PRKG1: variants seen among roughly 807,000 people sequenced by gnomAD.
PRKG1 encodes the protein cGMP-dependent protein kinase 1.
Under a neutral mutation model 88.1 loss-of-function variants are expected in PRKG1, and 35 were observed. The observed-to-expected ratio is 0.40, with a 90% CI of 0.30 to 0.53. PRKG1 has a LOEUF of 0.53. Ranked by LOEUF, PRKG1 falls within the 20% of genes least tolerant of loss-of-function variation. PRKG1 has a pLI of 0.59. For missense variants in PRKG1, 540 were observed against 839.8 expected (o/e 0.64, Z 4.41); for synonymous variants, 303 against 292.5 (o/e 1.04, Z -0.37).
At chr10:51,639,099 G>C (rs1275615078) in intron 3 of PRKG1, among the ~76,000 whole-genome samples, 1 of 151,814 alleles carries the variant, frequency 6.6e-6, no homozygotes, top group East Asian at 1.9e-4. Flanking sequence ...TCTTAGAATA[G>C]AAGAGGTGAG....
chr10:51,671,168 A>G (rs1233751359), intron 3 of PRKG1, among the ~76,000 whole-genome samples: 1 of 152,206 alleles, frequency 6.6e-6, no homozygotes, highest in Non-Finnish European at 1.5e-5. Context: ...CTTAAGTAAG[A>G]AAGTCAGGAA....
intron 3 of PRKG1, among the ~76,000 whole-genome samples, chr10:51,703,458 A>C (rs1231386284): frequency 6.6e-6 from 1 of 152,136 alleles, no homozygotes; most frequent in Non-Finnish European, 1.5e-5. Context: ...TTTTCTTTGG[A>C]TATAAACCTT....
intron 3 of PRKG1, among the ~76,000 whole-genome samples, chr10:51,605,501 C>T (rs552475939): frequency 6.6e-6 from 1 of 152,278 alleles, no homozygotes; most frequent in Admixed American, 6.5e-5. Context: ...GCTAAATTTA[C>T]AAGAGTATAT....
intron 2 of PRKG1, among the ~76,000 whole-genome samples, chr10:51,198,774 T>C (rs1301035317): frequency 6.6e-6 from 1 of 152,204 alleles, no homozygotes; most frequent in Non-Finnish European, 1.5e-5. Context: ...TAGTTAGACC[T>C]GAGTTTGTCA....
chr10:52,285,025 A>G (rs534985790), intron 14 of PRKG1, among the ~76,000 whole-genome samples: 6 of 152,002 alleles, frequency 3.9e-5, no homozygotes, highest in Non-Finnish European at 8.8e-5. Context: ...CTTCCCTCCA[A>G]CTTTCCCTGT....
intron 2 of PRKG1, among the ~76,000 whole-genome samples, chr10:51,334,727 G>A (rs1269607854): frequency 6.6e-6 from 1 of 152,098 alleles, no homozygotes; most frequent in East Asian, 1.9e-4. Flanking sequence ...GCAGAGAGAG[G>A]GTAAAGGAGG....
rs556222305 is a variant in PRKG1, at chr10:51,493,285, A to G, written c.592+25449A>G. On this transcript the variant is annotated intron_variant, in intron 3 of 17. Coordinates refer to ENST00000373980, the MANE Select transcript of PRKG1 (RefSeq NM_006258.4). ...ATGCAGAAAAATTTTACTTTGTCCA[A>G]CATGGATTTTGACCAATTTCCAAAT... Among the ~76,000 whole-genome samples the G allele has an allele frequency of 3.9e-5, 6 of 152,312 alleles. No homozygotes were observed. The South Asian group carries it at 1.2e-3, about 32-fold the overall frequency.
rs973617424 is a variant in PRKG1, at chr10:51,448,487, G to C, written c.479-19236G>C. On this transcript the variant is annotated intron_variant, in intron 2 of 17. Transcript: ENST00000373980. ...ATTACTTTCCCTTGAAATTCAAACA[G>C]GTTATTTCTGAGGATTGTGACTGCA... Among the ~76,000 whole-genome samples the C allele has an allele frequency of 4.6e-5, 7 of 151,958 alleles. 1 individual carries two copies. The highest frequency in any genetic ancestry group is 2.6e-4 in the Admixed American group (4 of 15,230).
At chr10:51,855,240 T>C (rs1937710) in intron 4 of PRKG1, among the ~76,000 whole-genome samples, 30,894 of 152,054 alleles carry the variant, frequency 0.2, 3,688 homozygotes, top group African/African-American at 0.33. Flanking sequence ...CAAGGCTTGA[T>C]TGAGTCATGA....
chr10:51,911,676 C>T (rs1159227638), intron 5 of PRKG1, among the ~76,000 whole-genome samples: 3 of 152,148 alleles, frequency 2.0e-5, no homozygotes, highest in African/African-American at 7.2e-5. Flanking sequence ...AAGTGTTTAA[C>T]TCAAGTTGAA....
intron 5 of PRKG1, among the ~76,000 whole-genome samples, chr10:51,938,318 G>T (rs1457222448): frequency 6.6e-6 from 1 of 151,998 alleles, no homozygotes; most frequent in Non-Finnish European, 1.5e-5. Flanking sequence ...TTTATCACAG[G>T]TAGGTTTGTA....
intron 5 of PRKG1, among the ~76,000 whole-genome samples, chr10:52,035,508 C>T (rs1845585065): frequency 6.6e-6 from 1 of 152,018 alleles, no homozygotes; most frequent in African/African-American, 2.4e-5. Context: ...GGTGGAACCG[C>T]CAACAATAAA....
chr10:51,468,267 T>G (rs2132815999), intron 3 of PRKG1, among the ~76,000 whole-genome samples: 1 of 151,994 alleles, frequency 6.6e-6, no homozygotes, highest in East Asian at 1.9e-4. Context: ...AGAAATGTCC[T>G]TCATCTCATT....
At chr10:51,285,803 T>G (rs1840424745) in intron 2 of PRKG1, among the ~76,000 whole-genome samples, 1 of 152,166 alleles carries the variant, frequency 6.6e-6, no homozygotes, top group South Asian at 2.1e-4. Context: ...TGAAGAGTTC[T>G]GAAGCCGTCC....
chr10:51,163,019 G>A (rs1045154831), intron 2 of PRKG1, among the ~76,000 whole-genome samples: 2 of 152,052 alleles, frequency 1.3e-5, no homozygotes, highest in Non-Finnish European at 2.9e-5. Flanking sequence ...AAGCAGACCT[G>A]CAAATGCTTT....
intron 9 of PRKG1, among the ~76,000 whole-genome samples, chr10:52,211,194 C>G (rs576220781): frequency 6.6e-6 from 1 of 152,194 alleles, no homozygotes; most frequent in South Asian, 2.1e-4. Flanking sequence ...ATACACGTAT[C>G]ATGTTCTGCT....
At chr10:51,764,479 C>T (rs568763710) in intron 3 of PRKG1, among the ~76,000 whole-genome samples, 43 of 152,212 alleles carry the variant, frequency 2.8e-4, no homozygotes, top group African/African-American at 9.1e-4. Context: ...CAATCTTGCT[C>T]TGTGAATGTT....
At chr10:51,050,018 A>G (rs1354652109) in intron 1 of PRKG1, among the ~76,000 whole-genome samples, 2 of 151,988 alleles carry the variant, frequency 1.3e-5, no homozygotes, top group Admixed American at 6.6e-5. Context: ...ATTCAGGTCA[A>G]TGGAAATTGT....
Position 51,142,701 on chromosome 10 carries a change from C to T in PRKG1, c.312-10463C>T, listed in dbSNP as rs185007658. ...CCTCTTTATACTTTTGTTTCCTTAC[C>T]TGTCAAATAAGGACAAATAAGGTTC... On this transcript the variant is annotated intron_variant, in intron 1 of 17. Coordinates refer to ENST00000373980, the MANE Select transcript of PRKG1 (RefSeq NM_006258.4). Among the ~76,000 whole-genome samples, 456 of 152,150 alleles carry T rather than the reference C, an allele frequency of 3.0e-3. 4 individuals are homozygous for T. Among genetic ancestry groups the T allele is most frequent in the African/African-American group, 0.011 (439 of 41,536 alleles).
Sources: allele counts gnomAD v4.1 joint callset (sites outside exome capture counted in the v4.1 genomes callset), GRCh38; gene constraint gnomAD v4.1.1; transcripts MANE v1.5; gene names NCBI Gene and HGNC (gene_info 2026-07-23, HGNC 2026-07-21).